TMEM272: variants seen among roughly 807,000 people sequenced by gnomAD.
TMEM272 encodes the protein transmembrane protein 272.
A neutral mutation model predicts 3.7 loss-of-function variants in TMEM272; 8 were observed. The observed-to-expected ratio is 2.17, with a 90% CI of 1.27 to 3.91. The LOEUF is 3.91. Ranked by LOEUF, TMEM272 falls within the 30% of genes most tolerant of loss-of-function variation. The pLI, the probability that TMEM272 is intolerant of heterozygous loss-of-function variation, is 0.00. For synonymous variants in TMEM272, 63 were observed against 39.8 expected (o/e 1.58, Z -2.20); for missense variants, 166 against 91.5 (o/e 1.81, Z -3.32).
chr13:51,830,182 C>T (rs948328135), intron 2 of TMEM272, among the ~76,000 whole-genome samples: 3 of 152,212 alleles, frequency 2.0e-5, no homozygotes, highest in African/African-American at 7.2e-5. Flanking sequence ...AAAACTTGCA[C>T]TAAATTAGTG....
the TMEM272 span, among the ~76,000 whole-genome samples, chr13:51,863,443 T>C: frequency 6.6e-6 from 1 of 152,162 alleles, no homozygotes; most frequent in African/African-American, 2.4e-5. Flanking sequence ...ACAGGCATCC[T>C]GGCCTGACCT....
the TMEM272 span, among the ~76,000 whole-genome samples, chr13:51,859,215 G>T: frequency 3.3e-5 from 5 of 151,726 alleles, no homozygotes; most frequent in East Asian, 7.7e-4. Flanking sequence ...TATCATAGCT[G>T]CCTGATTTGG....
the TMEM272 span, chr13:51,909,154 ACT>A: frequency 2.3e-5 from 33 of 1,421,902 alleles, no homozygotes; most frequent in Non-Finnish European, 3.2e-5. Context: ...TTAATTTTAA[ACT>A]CTGTTTCAGC....
At chr13:51,864,513 A>G in the TMEM272 span, among the ~76,000 whole-genome samples, 2 of 152,342 alleles carry the variant, frequency 1.3e-5, no homozygotes, top group South Asian at 4.1e-4. Context: ...CTCTTTCAGC[A>G]TTGGGTTTAT....
chr13:51,871,833 CACACACACACAA>C, the TMEM272 span, among the ~76,000 whole-genome samples: 277 of 127,188 alleles, frequency 2.2e-3, 3 homozygotes, highest in African/African-American at 8.0e-3. Context: ...CACACACACA[CACACACACACAA>C]ACAGAGACGC....
the TMEM272 span, among the ~76,000 whole-genome samples, chr13:51,900,942 C>G: frequency 1.3e-5 from 2 of 152,058 alleles, no homozygotes; most frequent in East Asian, 3.9e-4. Flanking sequence ...AAAGTAGATA[C>G]AAGGTTGCCA....
chr13:51,918,827 T>C, the TMEM272 span, among the ~76,000 whole-genome samples: 1 of 148,078 alleles, frequency 6.8e-6, no homozygotes, highest in African/African-American at 2.5e-5. Flanking sequence ...TTTTTTTTTT[T>C]TGTAGAGACA....
the TMEM272 span, chr13:51,909,825 G>A: frequency 6.3e-7 from 1 of 1,588,960 alleles, no homozygotes; most frequent in East Asian, 2.2e-5. Context: ...TTCAGTCAGA[G>A]TCTCGATGTG....
At chr13:51,835,832 A>AT (rs1222915554) in intron 2 of TMEM272, among the ~76,000 whole-genome samples, 1 of 152,214 alleles carries the variant, frequency 6.6e-6, no homozygotes, top group East Asian at 1.9e-4. Flanking sequence ...AAGTTTTTAA[A>AT]TTTTTTAGTT....
the TMEM272 span, among the ~76,000 whole-genome samples, chr13:51,899,817 C>T: frequency 2.6e-5 from 4 of 152,302 alleles, no homozygotes; most frequent in African/African-American, 9.6e-5. Context: ...AATAGAACTA[C>T]ATTTTTATTA....
chr13:51,892,263 T>C, the TMEM272 span, among the ~76,000 whole-genome samples: 1 of 152,210 alleles, frequency 6.6e-6, no homozygotes, highest in South Asian at 2.1e-4. Flanking sequence ...TCAATAGATA[T>C]ACTGGTTTAT....
At chr13:51,831,251 G>A (rs915192637) in intron 2 of TMEM272, among the ~76,000 whole-genome samples, 6 of 152,130 alleles carry the variant, frequency 3.9e-5, no homozygotes, top group East Asian at 3.9e-4. Context: ...GCAAAACCCC[G>A]TCTCTACAAA....
At chr13:51,846,194 G>A (rs925997004), upstream of TMEM272, among the ~76,000 whole-genome samples, 6 of 152,242 alleles carry the variant, frequency 3.9e-5, no homozygotes, top group Non-Finnish European at 8.8e-5. Context: ...CCACAGGACA[G>A]GGTGAAGCAG....
At chr13:51,901,812 G>A in the TMEM272 span, among the ~76,000 whole-genome samples, 1 of 152,096 alleles carries the variant, frequency 6.6e-6, no homozygotes, top group Non-Finnish European at 1.5e-5. Flanking sequence ...CCTACCTCCA[G>A]CCCAGCCTAG....
At chr13:51,845,756 A>C (rs981790472), upstream of TMEM272, among the ~76,000 whole-genome samples, 1 of 152,204 alleles carries the variant, frequency 6.6e-6, no homozygotes, top group African/African-American at 2.4e-5. Context: ...TCAGCTGCTG[A>C]TTTATAAGAA....
the TMEM272 span, among the ~76,000 whole-genome samples, chr13:51,911,097 C>T: frequency 4.3e-4 from 66 of 152,316 alleles, no homozygotes; most frequent in African/African-American, 1.6e-3. Context: ...ATACCTGCCA[C>T]CTTATCACTT....
chr13:51,875,646 T>C, the TMEM272 span, among the ~76,000 whole-genome samples: 1 of 152,146 alleles, frequency 6.6e-6, no homozygotes, highest in Non-Finnish European at 1.5e-5. Context: ...GGTTATTTCT[T>C]CACCTGGTTT....
the TMEM272 span, among the ~76,000 whole-genome samples, chr13:51,855,774 T>A: frequency 6.6e-6 from 1 of 152,170 alleles, no homozygotes. Context: ...AATGTTAATA[T>A]AAGGAACCCA....
At chr13:51,922,589 G>A in the TMEM272 span, among the ~76,000 whole-genome samples, 3 of 152,170 alleles carry the variant, frequency 2.0e-5, no homozygotes, top group Admixed American at 1.3e-4. Context: ...TAGGTGGGTG[G>A]ATTCACTTCC....
Sources: gnomAD v4.1 joint callset for allele counts (sites outside exome capture counted in the v4.1 genomes callset) on GRCh38, gnomAD v4.1.1 for gene constraint, MANE v1.5 for transcripts, NCBI Gene and HGNC (gene_info 2026-07-23, HGNC 2026-07-21) for gene names.